Variants in SLC25A48 observed in about 807,000 individuals in gnomAD.
The protein encoded by SLC25A48 is CTC-321K16.1.
A neutral mutation model predicts 32.2 loss-of-function variants in SLC25A48; 29 were observed. The observed-to-expected ratio is 0.90, with a 90% confidence interval of 0.67 to 1.23. The LOEUF is 1.23. Ranked by LOEUF, SLC25A48 falls within the 50% of genes most tolerant of loss-of-function variation. SLC25A48 has a pLI of 0.00. For missense variants in SLC25A48, 399 were observed against 422.7 expected, an observed-to-expected ratio of 0.94 and a Z score of 0.49; for synonymous variants, 164 against 172.3, an observed-to-expected ratio of 0.95 and a Z score of 0.38.
intron 3 of SLC25A48, among the ~76,000 whole-genome samples, chr5:135,655,616 G>A (rs1259174878): frequency 1.3e-5 from 2 of 152,176 alleles, no homozygotes; most frequent in Admixed American, 1.3e-4. Context: ...TTCAGTGTGG[G>A]GACAGATTTC....
chr5:135,651,640 T>A lies in SLC25A48; in HGVS notation c.-521+16684T>A, dbSNP rs532911406. ...ATCTGCTGTTCTTATATTCTTTAAC[T>A]CTTACCAGAGTTAATTCTGCTCTTT... On this transcript the variant is annotated intron_variant, in intron 3 of 10. Coordinates refer to the SLC25A48 transcript ENST00000646290. Among the ~76,000 whole-genome samples the A allele has an allele frequency of 1.9e-4, 29 of 152,332 alleles. No individual in the cohort carries two copies. The South Asian group carries it at 6.0e-3, about 32-fold the overall frequency.
intron 7 of SLC25A48, among the ~76,000 whole-genome samples, chr5:135,884,055 C>T (rs921939062): frequency 6.6e-6 from 1 of 152,282 alleles, no homozygotes. Context: ...ACCAGCCGTG[C>T]AGAACTGTCA....
At chr5:135,620,009 A>C (rs1290190528) in intron 1 of SLC25A48, among the ~76,000 whole-genome samples, 1 of 152,140 alleles carries the variant, frequency 6.6e-6, no homozygotes, top group Non-Finnish European at 1.5e-5. Context: ...ATGGCAACAG[A>C]AGTAGGTTGG....
chr5:135,751,883 T>A (rs1406068177), intron 3 of SLC25A48, among the ~76,000 whole-genome samples: 1 of 152,180 alleles, frequency 6.6e-6, no homozygotes, highest in East Asian at 1.9e-4. Flanking sequence ...TGTTCACTGA[T>A]TTTCAATGAA....
intron 3 of SLC25A48, among the ~76,000 whole-genome samples, chr5:135,695,613 C>A (rs1754247303): frequency 6.6e-6 from 1 of 152,202 alleles, no homozygotes; most frequent in Admixed American, 6.5e-5. Flanking sequence ...TGCCTCCCAC[C>A]CACAGGGGTC....
At chr5:135,795,176 G>T (rs944821180) in intron 3 of SLC25A48, among the ~76,000 whole-genome samples, 1 of 151,836 alleles carries the variant, frequency 6.6e-6, no homozygotes. Context: ...ATCGCAAGGG[G>T]TGTACACCCA....
chr5:135,752,372 A>G (rs1465674193), intron 3 of SLC25A48, among the ~76,000 whole-genome samples: 2 of 152,214 alleles, frequency 1.3e-5, no homozygotes, highest in Non-Finnish European at 2.9e-5. Flanking sequence ...GGAGTTCGAG[A>G]CCAGCCTGGC....
At chr5:135,866,584 G>A (rs990825676) in intron 4 of SLC25A48, among the ~76,000 whole-genome samples, 7 of 152,128 alleles carry the variant, frequency 4.6e-5, no homozygotes, top group Non-Finnish European at 8.8e-5. Context: ...GGCCAAACCT[G>A]GACCTACAAC....
At chr5:135,814,117 A>G (rs1389409943) in intron 4 of SLC25A48, among the ~76,000 whole-genome samples, 1 of 152,212 alleles carries the variant, frequency 6.6e-6, no homozygotes, top group African/African-American at 2.4e-5. Context: ...GCTGCAGTTG[A>G]GCCAGGTGTT....
chr5:135,690,482 C>A (rs1287691053), intron 3 of SLC25A48, among the ~76,000 whole-genome samples: 1 of 152,186 alleles, frequency 6.6e-6, no homozygotes, highest in African/African-American at 2.4e-5. Context: ...TGGAGTAAAA[C>A]ATGAGTGATT....
intron 3 of SLC25A48, among the ~76,000 whole-genome samples, chr5:135,812,094 TAAATAAAC>T (rs1422279728): frequency 4.6e-5 from 7 of 152,102 alleles, no homozygotes; most frequent in African/African-American, 1.7e-4. Flanking sequence ...AAAAAATAAA[TAAATAAAC>T]AAATAAATAT....
intron 1 of SLC25A48, among the ~76,000 whole-genome samples, chr5:135,614,007 A>G (rs1340352768): frequency 6.6e-6 from 1 of 152,106 alleles, no homozygotes; most frequent in Non-Finnish European, 1.5e-5. Context: ...TGGTGATTGC[A>G]TTGAATCTGT....
chr5:135,653,886 C>T (rs1301397877), intron 3 of SLC25A48: 10 of 456,154 alleles, frequency 2.2e-5, no homozygotes, highest in Non-Finnish European at 3.5e-5. Flanking sequence ...CAGACACAGC[C>T]ACAGGGCAAG....
intron 3 of SLC25A48, among the ~76,000 whole-genome samples, chr5:135,771,777 G>A (rs1756418854): frequency 6.7e-6 from 1 of 149,732 alleles, no homozygotes; most frequent in Admixed American, 6.7e-5. Context: ...GGCAGTGGGT[G>A]TACATTTTCT....
At chr5:135,659,190 G>A (rs1017401298) in intron 3 of SLC25A48, among the ~76,000 whole-genome samples, 1 of 152,190 alleles carries the variant, frequency 6.6e-6, no homozygotes, top group African/African-American at 2.4e-5. Flanking sequence ...GAAAATGAGT[G>A]TAGGCTTTTA....
At chr5:135,825,919 G>A (rs748403838) in intron 4 of SLC25A48, 4 of 152,230 alleles carry the variant, frequency 2.6e-5, no homozygotes, top group Admixed American at 6.5e-5. Context: ...GTCACACCAC[G>A]GGGAAGCCGG....
chr5:135,882,754 G>A (rs141422414), intron 7 of SLC25A48, among the ~76,000 whole-genome samples: 198 of 152,224 alleles, frequency 1.3e-3, no homozygotes, highest in Admixed American at 2.2e-3. Context: ...ACCTGTCCAA[G>A]ACCAGCCCCC....
intron 3 of SLC25A48, among the ~76,000 whole-genome samples, chr5:135,803,376 A>T (rs1467861063): frequency 6.6e-6 from 1 of 151,472 alleles, no homozygotes. Flanking sequence ...ACACTCTGTG[A>T]TACTATTCAT....
intron 4 of SLC25A48, among the ~76,000 whole-genome samples, chr5:135,815,580 G>A (rs1332716894): frequency 6.6e-6 from 1 of 152,180 alleles, no homozygotes; most frequent in African/African-American, 2.4e-5. Flanking sequence ...TCTATGTATG[G>A]GTAAGGGCAA....
Sources: gnomAD v4.1 joint callset for allele counts (sites outside exome capture counted in the v4.1 genomes callset) on GRCh38, gnomAD v4.1.1 for gene constraint, MANE v1.5 for transcripts, NCBI Gene and HGNC (gene_info 2026-07-23, HGNC 2026-07-21) for gene names.